Variants in NUP214 observed in about 807,000 individuals in gnomAD.
NUP214 encodes nuclear pore complex protein Nup214.
NUP214 carries 79 observed loss-of-function variants against 196.2 expected under a neutral mutation model. The observed-to-expected ratio is 0.40, with a 90% confidence interval of 0.34 to 0.49. The LOEUF (loss-of-function observed/expected upper bound fraction) is 0.49, where lower values mean the gene tolerates loss of function less well. NUP214 is among the 20% of genes least tolerant of loss of function. The pLI is 0.58. For synonymous variants in NUP214, 1,020 were observed against 990.5 expected (o/e 1.03, Z -0.56); for missense variants, 2,468 against 2,539.0 (o/e 0.97, Z 0.60).
chr9:131,166,963 A>G (rs1458650758), intron 21 of NUP214: 1 of 152,080 alleles, frequency 6.6e-6, no homozygotes, highest in Non-Finnish European at 1.5e-5. Context: ...TGTCCTCCCA[A>G]GAACAAAGGT....
chr9:131,150,824 A>C (rs2133515149), intron 16 of NUP214, 59 bp downstream of exon 16: 1 of 1,510,008 alleles, frequency 6.6e-7, no homozygotes, highest in East Asian at 2.3e-5. Context: ...TTTTTCTCCT[A>C]GTACTCCATG....
At chr9:131,157,241 C>T (rs1294597623) in intron 17 of NUP214, among the ~76,000 whole-genome samples, 1 of 151,932 alleles carries the variant, frequency 6.6e-6, no homozygotes, top group Non-Finnish European at 1.5e-5. Flanking sequence ...TAGCTCACTG[C>T]AGCCTCGAAC....
Position 131,144,674 on chromosome 9 carries a change from A to G in NUP214, c.1689A>G (p.Pro563=). 1 of 1,614,176 alleles carries G rather than the reference A, an allele frequency of 6.2e-7. No individual in the cohort carries two copies. The highest frequency in any genetic ancestry group is 1.1e-5 in the South Asian group (1 of 91,088). ...FKPTLESTPV[P]SVSAPNIAMK... The stretch of plus-strand genomic sequence containing the variant: ...CTACCCTGGAAAGCACACCAGTGCC[A>G]AGTGTGTCTGCTCCAAATATAGCAA... Residue 563 remains proline (P), a synonymous_variant, in exon 12 of 36, where the codon CCA becomes CCG. Coordinates refer to ENST00000359428, the MANE Select transcript of NUP214 (RefSeq NM_005085.4).
chr9:131,232,287 T>C lies in NUP214; in HGVS notation c.6218T>C (p.Phe2073Ser). The part of the protein sequence containing the change: ...FSGFGSGTGG[F>S]SFGSNNSSVQ... The stretch of plus-strand genomic sequence containing the variant: ...TCACTCTTATTCTGCTTTTCAGGGT[T>C]CAGCTTTGGGTCAAATAACTCGTAA... The change falls in exon 35 of 36, where the codon TTC becomes TCC. Residue 2073 changes from phenylalanine (F) to serine (S), a missense_variant. This residue lies in a region of NUP214 where 262 missense variants were observed against 296.5 expected (regional missense o/e 0.88). Coordinates refer to ENST00000359428, the MANE Select transcript of NUP214 (RefSeq NM_005085.4). This position sits in a 1 kb window ranked among gnomAD's most constrained non-coding sequence, Gnocchi z 5.1. 6.2e-7 allele frequency: 1 copy of C among 1,614,196 alleles called. No homozygotes were observed. Among genetic ancestry groups the C allele is most frequent in the Non-Finnish European group, 8.5e-7 (1 of 1,180,010 alleles).
Position 131,198,052 on chromosome 9 carries a change from G to C in NUP214, c.4558G>C (p.Glu1520Gln), listed in dbSNP as rs745806445. 1.2e-6 allele frequency: 2 copies of C among 1,614,210 alleles called. No homozygotes were observed. Among genetic ancestry groups the C allele is most frequent in the Non-Finnish European group, 1.7e-6 (2 of 1,180,038 alleles). ...AGCATCAGCAGCCTCACTTCTAGAG[G>C]AGCAACAGTCAGCCCAGCTTCCCCA... ...VSASAASLLE[E>Q]QQSAQLPQAP... The change falls in exon 29 of 36, where the codon GAG (glutamate) becomes CAG (glutamine). Residue 1520 changes from glutamate to glutamine, a missense_variant. By Grantham distance (29) the Glu-to-Gln change is conservative. Around this residue, in one of 5 missense-constraint regions of NUP214, gnomAD observed 1,801 missense variants for 1,779.4 expected, o/e 1.01. Transcript: ENST00000359428.
rs374114082 is a variant in NUP214 at position 131,146,187 on chromosome 9, T to C, written c.1828T>C (p.Ser610Pro). The C allele has an allele frequency of 4.3e-6, 7 of 1,614,156 alleles. No individual in the cohort carries two copies. In the South Asian group the frequency reaches 7.7e-5, roughly 18 times the overall value. ...TAGCTCCCAGAGCGCACCCCCGATG[T>C]CGCCATTCTCTTCTGCCTCCAAGCC... Reference protein sequence around the residue: ...VSSSQSAPPMSPFSSASKPAA... With the variant: ...VSSSQSAPPMPPFSSASKPAA... Residue 610 changes from serine (S) to proline (P), a missense_variant, in exon 13 of 36, where the codon TCG (serine) becomes CCG (proline). Around this residue, in one of 5 missense-constraint regions of NUP214, gnomAD observed 1,801 missense variants for 1,779.4 expected, o/e 1.01. Transcript: ENST00000359428. This position sits in a 1 kb window ranked among gnomAD's most constrained non-coding sequence, Gnocchi z 4.6.
chr9:131,141,381 G>T (rs996286708), intron 11 of NUP214, among the ~76,000 whole-genome samples: 6 of 151,598 alleles, frequency 4.0e-5, no homozygotes, highest in Admixed American at 2.0e-4. Flanking sequence ...TCAACATTTT[G>T]GTACCTATCC....
chr9:131,169,442 C>T (rs1417226512), intron 21 of NUP214, among the ~76,000 whole-genome samples: 2 of 152,032 alleles, frequency 1.3e-5, no homozygotes, highest in Admixed American at 6.5e-5. Context: ...CCCAAGAGTT[C>T]GAGGCCAGCC....
In NUP214 at chr9:131,150,648, A is replaced by C. The variant is rs1358793364; in HGVS notation, c.2160A>C (p.Leu720Phe). 1 of 1,613,850 alleles carries C rather than the reference A, an allele frequency of 6.2e-7. No individual in the cohort carries two copies. The highest frequency in any genetic ancestry group is 8.5e-7 in the Non-Finnish European group (1 of 1,179,928). The change falls in exon 16 of 36, where the codon TTA (leucine) becomes TTC (phenylalanine). Residue 720 changes from leucine to phenylalanine, a missense_variant. By Grantham distance (22) the Leu-to-Phe change is conservative (BLOSUM62 0). Coordinates refer to ENST00000359428, the MANE Select transcript of NUP214 (RefSeq NM_005085.4). ...ACTTTCAGAAGGAGTTGGAAGAGTT[A>C]AAAGCCCGAACTTCCAAAGCCTGTT... ...IAHFQKELEE[L>F]KARTSKACFQ...
chr9:131,178,334 A>T lies in NUP214; in HGVS notation c.3343A>T (p.Thr1115Ser), dbSNP rs182096518. 4.3e-6 allele frequency: 7 copies of T among 1,613,688 alleles called. No homozygotes were observed. The highest frequency in any genetic ancestry group is 5.9e-6 in the Non-Finnish European group (7 of 1,179,690). The change falls in exon 24 of 36, where the codon ACG becomes TCG. Residue 1115 changes from threonine (T) to serine (S), a missense_variant. Thr to Ser is a moderately conservative substitution (Grantham distance 58). Coordinates refer to ENST00000359428, the MANE Select transcript of NUP214 (RefSeq NM_005085.4). ...APAVNTLTES[T>S]LKNVPQVVNV... ...AGCTGTAAACACTTTGACTGAATCAACGTTGAAGAATGTCCCTCAAGTGGT... is the reference window on the plus strand; with the variant it reads ...AGCTGTAAACACTTTGACTGAATCATCGTTGAAGAATGTCCCTCAAGTGGT...
chr9:131,161,098 T>A (rs937148761), intron 18 of NUP214, among the ~76,000 whole-genome samples: 1 of 152,208 alleles, frequency 6.6e-6, no homozygotes, highest in East Asian at 1.9e-4. Flanking sequence ...AAGCCAAGCT[T>A]TTTTTTCCTT....
chr9:131,131,788 A>G (rs572208975), intron 5 of NUP214, among the ~76,000 whole-genome samples: 1 of 152,042 alleles, frequency 6.6e-6, no homozygotes, highest in Non-Finnish European at 1.5e-5. Flanking sequence ...TCCTGGGCTC[A>G]GGTGATCCTT....
intron 32 of NUP214, among the ~76,000 whole-genome samples, chr9:131,223,724 TTTA>T (rs1834635154): frequency 6.5e-4 from 12 of 18,566 alleles, no homozygotes; most frequent in African/African-American, 1.1e-3. Context: ...TATTTATTTA[TTTA>T]TTTTTTTTTT....
chr9:131,171,188 G>A (rs1043602466), intron 21 of NUP214, among the ~76,000 whole-genome samples: 1 of 152,210 alleles, frequency 6.6e-6, no homozygotes, highest in African/African-American at 2.4e-5. Flanking sequence ...CCATGCTTCT[G>A]TGAGTGAGCA....
At chr9:131,196,002 C>CAA (rs1297789672) in intron 28 of NUP214, among the ~76,000 whole-genome samples, 1 of 103,526 alleles carries the variant, frequency 9.7e-6, no homozygotes, top group African/African-American at 3.7e-5. Context: ...CCAGCCTGGG[C>CAA]AACAAGAGTG....
intron 7 of NUP214, chr9:131,133,839 G>A (rs1887271): frequency 0.25 from 37,987 of 152,110 alleles, 4,864 homozygotes; most frequent in East Asian, 0.42. Flanking sequence ...ATTTGCTCTC[G>A]AATATTTAAT....
chr9:131,222,605 G>A (rs994183648), intron 31 of NUP214, 173 bp from the exon 32 acceptor site: 30 of 601,094 alleles, frequency 5.0e-5, no homozygotes, highest in South Asian at 6.7e-5. Context: ...AGCAAGGTGC[G>A]TGAAAATCAG....
chr9:131,129,581 T>G, intron 4 of NUP214, 104 bp downstream of exon 4: 1 of 1,174,532 alleles, frequency 8.5e-7, no homozygotes, highest in Non-Finnish European at 1.2e-6. Flanking sequence ...TTTGGTTTTT[T>G]TTTTCATGAC....
chr9:131,233,529 T>G lies in NUP214; in HGVS notation c.*42T>G, dbSNP rs1236294681. On this transcript the variant is annotated 3_prime_UTR_variant, in exon 36 of 36. Transcript: ENST00000359428. ...CTTTCGATCCCTGGGACCAACCGCA[T>G]CCTCAGCTTCTTCCCCGAGAAATGC... 1 of 1,611,904 alleles carries G rather than the reference T, an allele frequency of 6.2e-7. No homozygotes were observed. Among genetic ancestry groups the G allele is most frequent in the East Asian group, 2.2e-5 (1 of 44,854 alleles).
Sources: allele counts gnomAD v4.1 joint callset (sites outside exome capture counted in the v4.1 genomes callset), GRCh38; gene constraint gnomAD v4.1.1; regional missense constraint gnomAD v4.1.1; non-coding constraint Gnocchi (gnomAD v3.1); transcripts MANE v1.5; gene names NCBI Gene and HGNC (gene_info 2026-07-23, HGNC 2026-07-21).